The following PHKB variants were observed in gnomAD, a reference collection of about 807,000 sequenced individuals.
PHKB encodes phosphorylase kinase regulatory subunit beta.
In PHKB, 122 loss-of-function variants were observed where a neutral mutation model predicts 152.1. That is an observed-to-expected ratio of 0.80 (90% CI 0.69 to 0.93). The LOEUF (loss-of-function observed/expected upper bound fraction) is 0.93. PHKB is among the 40% of genes least tolerant of loss of function. PHKB has a pLI of 0.00. For synonymous variants in PHKB, 436 were observed against 464.9 expected, an observed-to-expected ratio of 0.94 and a Z score of 0.80; for missense variants, 1,304 against 1,328.4, an observed-to-expected ratio of 0.98 and a Z score of 0.29.
chr16:47,482,459 A>T (rs1204983503), intron 1 of PHKB, among the ~76,000 whole-genome samples: 3 of 152,188 alleles, frequency 2.0e-5, no homozygotes, highest in African/African-American at 7.2e-5. Flanking sequence ...TATTCATTTT[A>T]ATTATACAGA....
intron 14 of PHKB, among the ~76,000 whole-genome samples, chr16:47,624,347 T>C (rs1972671381): frequency 6.6e-6 from 1 of 152,216 alleles, no homozygotes; most frequent in Non-Finnish European, 1.5e-5. Context: ...AAGATGAATT[T>C]AATATGGCAA....
chr16:47,529,412 A>T (rs1970822725), intron 6 of PHKB: 1 of 143,762 alleles, frequency 7.0e-6, no homozygotes, highest in African/African-American at 2.7e-5. Context: ...CAATGGTGTG[A>T]TATTGGCTCA....
intron 30 of PHKB, chr16:47,699,006 C>A: frequency 1.8e-6 from 1 of 570,194 alleles, no homozygotes; most frequent in Admixed American, 3.0e-5. Context: ...TAAAGAGGTT[C>A]TCTAAGTAAA....
At chr16:47,699,144 T>G in intron 30 of PHKB, 85 bp from the exon 31 acceptor site, 1 of 1,257,916 alleles carries the variant, frequency 7.9e-7, no homozygotes, top group Non-Finnish European at 1.2e-6. Context: ...TGAATTTATT[T>G]TTCCCCCTAA....
intron 26 of PHKB, among the ~76,000 whole-genome samples, chr16:47,681,038 A>T (rs1422441975): frequency 6.6e-6 from 1 of 152,198 alleles, no homozygotes; most frequent in Non-Finnish European, 1.5e-5. Flanking sequence ...CCCAGTAGTC[A>T]TTCAGGAGCA....
intron 7 of PHKB, among the ~76,000 whole-genome samples, chr16:47,573,922 AT>A (rs112321255): frequency 2.0e-5 from 3 of 151,082 alleles, no homozygotes; most frequent in East Asian, 1.9e-4. Flanking sequence ...ACGCAAAACA[AT>A]TTTTTTTTCT....
At chr16:47,465,062 T>G (rs1969644265) in intron 1 of PHKB, among the ~76,000 whole-genome samples, 1 of 152,186 alleles carries the variant, frequency 6.6e-6, no homozygotes, top group African/African-American at 2.4e-5. Context: ...AGAAAATAAA[T>G]AAGAAATAAC....
At chr16:47,493,383 A>G (rs1408994134) in intron 1 of PHKB, among the ~76,000 whole-genome samples, 2 of 152,240 alleles carry the variant, frequency 1.3e-5, no homozygotes, top group Non-Finnish European at 2.9e-5. Context: ...TCTAAGTATC[A>G]TTGAAAATAG....
At chr16:47,696,210 T>C (rs1390725216) in intron 28 of PHKB, among the ~76,000 whole-genome samples, 171 bp from the exon 29 acceptor site, 21 of 152,262 alleles carry the variant, frequency 1.4e-4, no homozygotes. Context: ...AATAGTCAGC[T>C]GGTTGGCTTT....
chr16:47,567,362 A>G (rs555833998), intron 7 of PHKB, among the ~76,000 whole-genome samples: 2 of 152,208 alleles, frequency 1.3e-5, no homozygotes, highest in South Asian at 4.1e-4. Context: ...ATTGATACAT[A>G]GCAGTGCTAT....
chr16:47,502,588 T>C (rs1452058590), intron 3 of PHKB, among the ~76,000 whole-genome samples: 2 of 152,204 alleles, frequency 1.3e-5, no homozygotes, highest in African/African-American at 4.8e-5. Context: ...TGGCTGCTAC[T>C]TAAATCCAAG....
At chr16:47,550,678 G>A (rs1045770480) in intron 7 of PHKB, among the ~76,000 whole-genome samples, 1 of 152,090 alleles carries the variant, frequency 6.6e-6, no homozygotes. Flanking sequence ...GGCTTTTGTT[G>A]GTTGGTAGGC....
chr16:47,630,007 C>T (rs1242080624), intron 14 of PHKB, among the ~76,000 whole-genome samples: 2 of 150,468 alleles, frequency 1.3e-5, no homozygotes, highest in Non-Finnish European at 2.9e-5. Flanking sequence ...GGGAACATCA[C>T]ACTCTGGGGA....
At chr16:47,615,047 T>G (rs1459955766) in intron 14 of PHKB, among the ~76,000 whole-genome samples, 1 of 152,244 alleles carries the variant, frequency 6.6e-6, no homozygotes, top group Non-Finnish European at 1.5e-5. Flanking sequence ...AGAAATATTG[T>G]GCCACTTCCT....
chr16:47,615,495 C>G (rs1972499198), intron 14 of PHKB, among the ~76,000 whole-genome samples: 1 of 152,156 alleles, frequency 6.6e-6, no homozygotes, highest in Non-Finnish European at 1.5e-5. Context: ...ATTAGAGCTC[C>G]CCACTTGGTC....
intron 1 of PHKB, among the ~76,000 whole-genome samples, chr16:47,491,648 G>A (rs923427658): frequency 5.3e-5 from 8 of 152,196 alleles, no homozygotes; most frequent in Non-Finnish European, 1.0e-4. Flanking sequence ...AGATTCAGTA[G>A]TTGCAAGACC....
chr16:47,481,487 A>G (rs1969963295), intron 1 of PHKB, among the ~76,000 whole-genome samples: 1 of 152,218 alleles, frequency 6.6e-6, no homozygotes, highest in Non-Finnish European at 1.5e-5. Flanking sequence ...TTTAAAAATT[A>G]CTGATTATTT....
intron 6 of PHKB, among the ~76,000 whole-genome samples, chr16:47,534,108 TG>T (rs1970910917): frequency 6.6e-6 from 1 of 152,240 alleles, no homozygotes; most frequent in Admixed American, 6.5e-5. Flanking sequence ...GACTCCCTCC[TG>T]TTCCTGGCTC....
At chr16:47,578,227 G>A (rs1301702800) in intron 7 of PHKB, among the ~76,000 whole-genome samples, 1 of 152,062 alleles carries the variant, frequency 6.6e-6, no homozygotes, top group Non-Finnish European at 1.5e-5. Flanking sequence ...AAGCATGTTC[G>A]TAATTGCTTA....
Sources: gnomAD v4.1 joint callset for allele counts (sites outside exome capture counted in the v4.1 genomes callset) on GRCh38, gnomAD v4.1.1 for gene constraint, MANE v1.5 for transcripts, NCBI Gene and HGNC (gene_info 2026-07-23, HGNC 2026-07-21) for gene names.